Variants in CTNNA3 observed in about 807,000 individuals in gnomAD.
CTNNA3 encodes catenin alpha-3.
Under a neutral mutation model 95.7 loss-of-function variants are expected in CTNNA3, and 76 were observed. The observed-to-expected ratio is 0.79, with a 90% confidence interval of 0.66 to 0.96. The LOEUF (loss-of-function observed/expected upper bound fraction) is 0.96. Ranked by LOEUF, CTNNA3 falls within the 40% of genes least tolerant of loss-of-function variation. CTNNA3 has a pLI of 0.00. For synonymous variants in CTNNA3, 431 were observed against 374.4 expected, an observed-to-expected ratio of 1.15 and a Z score of -1.74; for missense variants, 1,191 against 1,089.8, an observed-to-expected ratio of 1.09 and a Z score of -1.31.
intron 13 of CTNNA3, among the ~76,000 whole-genome samples, chr10:66,153,819 A>G (rs778878570): frequency 2.0e-5 from 3 of 150,490 alleles, no homozygotes; most frequent in Non-Finnish European, 4.4e-5. Context: ...ATCATCTCCA[A>G]ATCTGCCTCT....
Position 67,719,190 on chromosome 10 carries a change from C to T in CTNNA3, c.-2+44244G>A, listed in dbSNP as rs192075514. 3.0e-3 allele frequency among the ~76,000 whole-genome samples: 450 copies of T among 151,436 alleles called. 4 individuals are homozygous for T. The highest frequency in any genetic ancestry group is 0.01 in the African/African-American group (425 of 41,370). Reference sequence around the variant, plus strand: ...TTTATTTTTTCTATTTCATTCTTCTCTCTGTTCTTCTTTATTAGTCTGGCT... The same window carrying T: ...TTTATTTTTTCTATTTCATTCTTCTTTCTGTTCTTCTTTATTAGTCTGGCT... On this transcript the variant is annotated intron_variant, in intron 1 of 17. Coordinates refer to the CTNNA3 transcript ENST00000684154.
intron 7 of CTNNA3, among the ~76,000 whole-genome samples, chr10:67,163,845 C>G (rs1861652006): frequency 6.6e-6 from 1 of 151,836 alleles, no homozygotes. Context: ...ATACTAATAA[C>G]AGGTGAAAAT....
intron 1 of CTNNA3, among the ~76,000 whole-genome samples, chr10:67,660,656 G>A (rs914851941): frequency 1.3e-5 from 2 of 152,032 alleles, no homozygotes; most frequent in African/African-American, 4.8e-5. Flanking sequence ...ATTAAGTCCG[G>A]GCGCAGTGGC....
chr10:66,445,860 T>C (rs2093416422), intron 11 of CTNNA3, among the ~76,000 whole-genome samples: 1 of 151,910 alleles, frequency 6.6e-6, no homozygotes, highest in African/African-American at 2.4e-5. Context: ...ATAAAAAAAC[T>C]TTCAAAAAAT....
At chr10:66,303,594 C>CA (rs1003878334) in intron 12 of CTNNA3, among the ~76,000 whole-genome samples, 3 of 152,046 alleles carry the variant, frequency 2.0e-5, no homozygotes, top group African/African-American at 7.2e-5. Context: ...TCTCAATATA[C>CA]AAAAAAATAC....
In CTNNA3 at chr10:66,775,512, C is replaced by CT. The variant is rs1351207870; in HGVS notation, c.1059dup (p.Glu354ArgfsTer4). The CT allele has an allele frequency of 3.1e-6, 5 of 1,606,766 alleles. No individual in the cohort carries two copies. The highest frequency in any genetic ancestry group is 2.2e-5 in the East Asian group (1 of 44,548). ...GCAATATTCAGGGTATTACTCCTTT[C>CT]TTTTTTTCCAGCCTGCAAAGAAGAA... On this transcript the variant is annotated frameshift_variant, in exon 8 of 18. Transcript: ENST00000433211. LOFTEE classifies it high-confidence loss of function.
intron 17 of CTNNA3, among the ~76,000 whole-genome samples, chr10:65,936,303 A>G (rs549471545): frequency 6.6e-6 from 1 of 152,232 alleles, no homozygotes; most frequent in South Asian, 2.1e-4. Context: ...TGCAAGTACC[A>G]CAGTCAAATA....
intron 7 of CTNNA3, among the ~76,000 whole-genome samples, chr10:66,961,776 A>G (rs898700793): frequency 3.3e-5 from 5 of 152,114 alleles, no homozygotes; most frequent in African/African-American, 1.2e-4. Flanking sequence ...CTTAATAGAC[A>G]TTTCAAACTT....
chr10:66,403,853 T>A (rs1385856252), intron 11 of CTNNA3, among the ~76,000 whole-genome samples: 1 of 152,190 alleles, frequency 6.6e-6, no homozygotes, highest in African/African-American at 2.4e-5. Flanking sequence ...AAGCTAACTT[T>A]GCGAGGAATT....
intron 5 of CTNNA3, among the ~76,000 whole-genome samples, chr10:67,521,218 T>C (rs1184245218): frequency 6.6e-6 from 1 of 152,150 alleles, no homozygotes. Flanking sequence ...TTAATCATGA[T>C]GAATATTAGG....
intron 10 of CTNNA3, among the ~76,000 whole-genome samples, chr10:66,536,407 C>T (rs1285056510): frequency 1.4e-5 from 2 of 148,014 alleles, no homozygotes; most frequent in South Asian, 2.1e-4. Flanking sequence ...GCTTGAACCC[C>T]GGAGGCAGAG....
chr10:67,119,827 ATTTATT>A (rs1859370943), intron 7 of CTNNA3, among the ~76,000 whole-genome samples: 1 of 151,894 alleles, frequency 6.6e-6, no homozygotes, highest in Non-Finnish European at 1.5e-5. Context: ...GACACATCGT[ATTTATT>A]TTTAAAGGAC....
At chr10:67,272,415 T>A (rs910350837) in intron 5 of CTNNA3, among the ~76,000 whole-genome samples, 1 of 151,470 alleles carries the variant, frequency 6.6e-6, no homozygotes, top group African/African-American at 2.4e-5. Flanking sequence ...TAGCTGGGAG[T>A]GGTGGTGCAT....
chr10:66,161,597 G>T (rs958295262), intron 13 of CTNNA3, among the ~76,000 whole-genome samples: 1 of 152,116 alleles, frequency 6.6e-6, no homozygotes, highest in African/African-American at 2.4e-5. Context: ...TCCTTTATAG[G>T]TTATCTGGTG....
rs559775162 is a variant in CTNNA3, at chr10:67,115,243, G to T, written c.1047+65074C>A. Among the ~76,000 whole-genome samples, 3 of 151,478 alleles carry T rather than the reference G, an allele frequency of 2.0e-5. No individual in the cohort carries two copies. The South Asian group carries it at 6.3e-4, about 32-fold the overall frequency. On this transcript the variant is annotated intron_variant, in intron 7 of 17. Transcript: ENST00000433211. ...CGACTATAATCACCCAGGTGATCAT[G>T]AAAAAGAACATGAGGGAAATAAAAA...
In CTNNA3 at chr10:66,360,466, A is replaced by T. The variant is rs946599732; in HGVS notation, c.1732+18686T>A. 6.7e-4 allele frequency among the ~76,000 whole-genome samples: 102 copies of T among 152,268 alleles called. 3 individuals carry two copies. Among genetic ancestry groups the T allele is most frequent in the Non-Finnish European group, 3.5e-4 (24 of 68,026 alleles). On this transcript the variant is annotated intron_variant, in intron 12 of 17. Coordinates refer to ENST00000433211, the MANE Select transcript of CTNNA3 (RefSeq NM_013266.4). The stretch of plus-strand genomic sequence containing the variant: ...GGATGTATTTGAATATGACATCTGA[A>T]TTTTAGAAATTTTCCAAAGTCAATG...
chr10:67,504,722 C>T (rs1484176897), intron 5 of CTNNA3, among the ~76,000 whole-genome samples: 2 of 152,090 alleles, frequency 1.3e-5, no homozygotes, highest in South Asian at 2.1e-4. Flanking sequence ...CCAATTCTAG[C>T]CCACTATTTT....
chr10:66,193,731 G>C (rs527354944), intron 13 of CTNNA3, among the ~76,000 whole-genome samples: 1 of 152,096 alleles, frequency 6.6e-6, no homozygotes, highest in African/African-American at 2.4e-5. Context: ...ATACTTCCTA[G>C]TATGAAAGCA....
chr10:67,535,042 T>C (rs772177017), intron 4 of CTNNA3, among the ~76,000 whole-genome samples: 1 of 152,144 alleles, frequency 6.6e-6, no homozygotes. Context: ...AGAGCTCTTA[T>C]TGGGTCATTA....
Sources: gnomAD v4.1 joint callset for allele counts (sites outside exome capture counted in the v4.1 genomes callset) on GRCh38, gnomAD v4.1.1 for gene constraint, MANE v1.5 for transcripts, NCBI Gene and HGNC (gene_info 2026-07-23, HGNC 2026-07-21) for gene names.